CNTLN: variants seen among roughly 807,000 people sequenced by gnomAD.
CNTLN encodes centlein.
CNTLN carries 212 observed loss-of-function variants against 180.0 expected under a neutral mutation model. That is an observed-to-expected ratio of 1.18 (90% CI 1.05 to 1.32). The LOEUF is 1.32. CNTLN is among the 40% of genes most tolerant of loss of function. CNTLN has a pLI of 0.00. For synonymous variants in CNTLN, 722 were observed against 563.1 expected (o/e 1.28, Z -3.99); for missense variants, 2,095 against 1,610.9 (o/e 1.30, Z -5.14).
In CNTLN at chr9:17,293,323, C is replaced by T. The variant is rs647013; in HGVS notation, c.984-4867C>T. Among the ~76,000 whole-genome samples the T allele has an allele frequency of 3.9e-5, 6 of 152,062 alleles. No individual in the cohort carries two copies. In the South Asian group the frequency reaches 6.2e-4, roughly 16 times the overall value. ...GCGGAGCGGGTGCGCTGTGCTGTGG[C>T]GAATCTCAATCATCTGGACTGCCTG... On this transcript the variant is annotated intron_variant, in intron 6 of 25. Transcript: ENST00000380647.
chr9:17,158,569 A>T (rs1181289831), intron 2 of CNTLN, among the ~76,000 whole-genome samples: 5 of 151,842 alleles, frequency 3.3e-5, no homozygotes, highest in African/African-American at 9.7e-5. Flanking sequence ...TTATAGGTTG[A>T]TTCAGATTTT....
rs765941854 is a variant in CNTLN, at chr9:17,309,097, T to C, written c.1186T>C (p.Ser396Pro). The change falls in exon 8 of 26, where the codon TCA becomes CCA. Residue 396 changes from serine (S) to proline (P), a missense_variant. Ser to Pro is a moderately conservative substitution (Grantham distance 74, BLOSUM62 -1). Coordinates refer to ENST00000380647, the MANE Select transcript of CNTLN (RefSeq NM_017738.4). ...ELHICFETTK[S>P]NEAMLRQSVT... ...ACATATTTGTTTTGAAACCACAAAA[T>C]CAAATGAAGCTATGCTCCGGCAAAG... is the stretch of plus-strand genomic sequence containing the variant. 1 of 1,596,952 alleles carries C rather than the reference T, an allele frequency of 6.3e-7. No individual in the cohort carries two copies. The highest frequency in any genetic ancestry group is 2.2e-5 in the East Asian group (1 of 44,700).
chr9:17,204,268 C>T (rs996057658), intron 2 of CNTLN, among the ~76,000 whole-genome samples: 2 of 152,088 alleles, frequency 1.3e-5, no homozygotes, highest in African/African-American at 2.4e-5. Flanking sequence ...AGCATTTCTG[C>T]CCTGTTTTTT....
At chr9:17,170,846 C>T (rs1426906869) in intron 2 of CNTLN, among the ~76,000 whole-genome samples, 6 of 151,846 alleles carry the variant, frequency 4.0e-5, no homozygotes, top group Admixed American at 6.6e-5. Context: ...ATTATAATAC[C>T]GTATTTTTAC....
intron 2 of CNTLN, among the ~76,000 whole-genome samples, chr9:17,216,716 C>G (rs1055626730): frequency 1.3e-5 from 2 of 152,108 alleles, no homozygotes; most frequent in African/African-American, 4.8e-5. Flanking sequence ...CTACTGGGAC[C>G]ACCTCCCTCC....
rs139925042 is a variant in CNTLN, at chr9:17,408,618, A to G, written c.2616-675A>G. 3.2e-3 allele frequency among the ~76,000 whole-genome samples: 491 copies of G among 152,028 alleles called. 7 individuals are homozygous for G. The highest frequency in any genetic ancestry group is 0.011 in the African/African-American group (470 of 41,486). ...AGATCGAGACCATCCTGGCTAACAC[A>G]GTGAAACCCTATCTCTACTAAAAAT... On this transcript the variant is annotated intron_variant, in intron 15 of 25. Transcript: ENST00000380647.
intron 25 of CNTLN, chr9:17,494,921 T>G (rs1444578078): frequency 2.4e-6 from 1 of 409,396 alleles, no homozygotes; most frequent in African/African-American, 2.4e-5. Context: ...TTGCTCTGTC[T>G]CCCAGGCTGA....
chr9:17,276,055 G>A (rs1003851066), intron 6 of CNTLN, among the ~76,000 whole-genome samples: 1 of 152,050 alleles, frequency 6.6e-6, no homozygotes, highest in Non-Finnish European at 1.5e-5. Context: ...CTGGGTAACA[G>A]GATCCATACC....
intron 3 of CNTLN, among the ~76,000 whole-genome samples, chr9:17,230,140 G>T (rs1156376886): frequency 6.6e-6 from 1 of 152,166 alleles, no homozygotes; most frequent in East Asian, 1.9e-4. Flanking sequence ...ATTGGTTACA[G>T]TTTGGTGTTT....
chr9:17,388,407 T>TA (rs983519270), intron 14 of CNTLN, among the ~76,000 whole-genome samples, 154 bp downstream of exon 14: 6 of 151,850 alleles, frequency 4.0e-5, no homozygotes, highest in South Asian at 2.1e-4. Flanking sequence ...CAAAATGGGG[T>TA]AAAAAAAATC....
chr9:17,192,867 T>C (rs1173768012), intron 2 of CNTLN, among the ~76,000 whole-genome samples: 1 of 152,182 alleles, frequency 6.6e-6, no homozygotes, highest in Non-Finnish European at 1.5e-5. Context: ...TTCACGCTGC[T>C]GATAAAGACG....
chr9:17,442,430 G>A (rs557284488), intron 18 of CNTLN, among the ~76,000 whole-genome samples: 2 of 152,092 alleles, frequency 1.3e-5, no homozygotes, highest in African/African-American at 2.4e-5. Context: ...ATGGAGTCTC[G>A]CTCTGTCACC....
intron 14 of CNTLN, among the ~76,000 whole-genome samples, chr9:17,390,203 C>T (rs1427467782): frequency 1.4e-5 from 2 of 147,252 alleles, no homozygotes; most frequent in Admixed American, 6.8e-5. Flanking sequence ...TTCATAATAT[C>T]AGGCATTGTA....
At chr9:17,419,992 G>GC (rs1210424106) in intron 18 of CNTLN, among the ~76,000 whole-genome samples, 1 of 152,192 alleles carries the variant, frequency 6.6e-6, no homozygotes. Context: ...TCGGCTCACT[G>GC]CAAGCTCCGC....
intron 2 of CNTLN, chr9:17,167,937 T>TG (rs147698763): frequency 0.044 from 6,646 of 152,278 alleles, 187 homozygotes; most frequent in Middle Eastern, 0.11. Context: ...AGGGGCTCCC[T>TG]GGCAAGTGTG....
intron 2 of CNTLN, among the ~76,000 whole-genome samples, chr9:17,213,942 G>T (rs1823528593): frequency 6.6e-6 from 1 of 152,070 alleles, no homozygotes. Context: ...TTGAGCGTAT[G>T]TGTGTCTTTG....
At chr9:17,181,579 CAA>C (rs753326946) in intron 2 of CNTLN, among the ~76,000 whole-genome samples, 1 of 152,236 alleles carries the variant, frequency 6.6e-6, no homozygotes, top group Non-Finnish European at 1.5e-5. Flanking sequence ...CTTGGTATAA[CAA>C]ATGATTTTCT....
intron 6 of CNTLN, among the ~76,000 whole-genome samples, chr9:17,295,987 A>G (rs1817883088): frequency 8.1e-6 from 1 of 123,800 alleles, no homozygotes; most frequent in Non-Finnish European, 1.7e-5. Context: ...AGAGAGAGAG[A>G]GAGAGAGAGA....
At chr9:17,305,535 A>T (rs1415418252) in intron 7 of CNTLN, among the ~76,000 whole-genome samples, 5 of 127,430 alleles carry the variant, frequency 3.9e-5, no homozygotes, top group South Asian at 2.8e-4. Context: ...TTTTTTTTTT[A>T]AACTCTACTC....
Sources: allele counts gnomAD v4.1 joint callset (sites outside exome capture counted in the v4.1 genomes callset), GRCh38; gene constraint gnomAD v4.1.1; transcripts MANE v1.5; gene names NCBI Gene and HGNC (gene_info 2026-07-23, HGNC 2026-07-21).